The following NEBL variants were observed in gnomAD, a reference collection of about 807,000 sequenced individuals.
The protein encoded by NEBL is nebulette.
Under a neutral mutation model 140.2 loss-of-function variants are expected in NEBL, and 122 were observed. That is an observed-to-expected ratio of 0.87 (90% confidence interval 0.75 to 1.01). The LOEUF is 1.01. NEBL is among the 50% of genes least tolerant of loss of function. NEBL has a pLI of 0.00. For synonymous variants in NEBL, 436 were observed against 398.9 expected, an observed-to-expected ratio of 1.09 and a Z score of -1.11; for missense variants, 1,365 against 1,231.3, an observed-to-expected ratio of 1.11 and a Z score of -1.62.
upstream of NEBL, among the ~76,000 whole-genome samples, chr10:21,178,473 C>T (rs765698828): frequency 4.6e-5 from 7 of 152,188 alleles, no homozygotes; most frequent in Non-Finnish European, 7.3e-5. Context: ...ACCGGGAAGT[C>T]AGGAAAAGAC....
chr10:21,288,590 G>A (rs1040780650), intron 1 of NEBL, among the ~76,000 whole-genome samples: 9 of 150,256 alleles, frequency 6.0e-5, no homozygotes, highest in East Asian at 2.0e-4. Context: ...GTGAAACCCC[G>A]TCTCTACTAA....
chr10:21,093,150 C>CTTTTTTTTTTTT (rs4025884), intron 2 of NEBL, among the ~76,000 whole-genome samples: 5,964 of 94,052 alleles, frequency 0.063, 465 homozygotes, highest in Non-Finnish European at 0.074. Flanking sequence ...AGCAACAAGT[C>CTTTTTTTTTTTT]TTTTTTTTTT....
chr10:21,071,169 T>C (rs1835802166), intron 2 of NEBL, among the ~76,000 whole-genome samples: 1 of 150,826 alleles, frequency 6.6e-6, no homozygotes, highest in South Asian at 2.1e-4. Flanking sequence ...ACTCTGTCTC[T>C]AAACAATAAA....
intron 2 of NEBL, among the ~76,000 whole-genome samples, chr10:21,123,416 ATATTCT>A (rs1838667942): frequency 6.6e-6 from 1 of 152,242 alleles, no homozygotes; most frequent in South Asian, 2.1e-4. Flanking sequence ...AGAGAACTGC[ATATTCT>A]TAAAGTTCTT....
chr10:21,241,533 C>T (rs1034256327), intron 3 of NEBL, among the ~76,000 whole-genome samples: 3 of 152,156 alleles, frequency 2.0e-5, no homozygotes, highest in African/African-American at 4.8e-5. Context: ...TTTCTGCCTT[C>T]GTGCCAGAAA....
intron 2 of NEBL, among the ~76,000 whole-genome samples, chr10:21,162,147 A>G (rs1156355338): frequency 1.3e-5 from 2 of 152,208 alleles, no homozygotes; most frequent in African/African-American, 4.8e-5. Flanking sequence ...CTGGTTGATG[A>G]TTGCACCAAT....
chr10:21,288,853 AAT>A lies in NEBL; in HGVS notation n.182+3975_182+3976del, dbSNP rs1564556777. Among the ~76,000 whole-genome samples the A allele has an allele frequency of 4.9e-3, 174 of 35,366 alleles. 1 individual carries two copies. Among genetic ancestry groups the A allele is most frequent in the African/African-American group, 0.015 (164 of 10,754 alleles). 23.2% of individuals were successfully genotyped at this position (35,366 alleles called of 152,430 possible). On this transcript the variant is annotated intron_variant and non_coding_transcript_variant, in intron 1 of 8. Coordinates refer to the NEBL transcript ENST00000675702. ...ATATATATATATATATATATATAAA[AAT>A]TTTTTTTTTTTGAGACGGAGTCTTG...
chr10:21,188,281 G>A (rs918860687), intron 3 of NEBL, among the ~76,000 whole-genome samples: 12 of 152,086 alleles, frequency 7.9e-5, no homozygotes, highest in South Asian at 2.1e-4. Flanking sequence ...ATCAGAAATC[G>A]GAAGTTGTCG....
chr10:21,093,125 T>A (rs969576924), intron 2 of NEBL, among the ~76,000 whole-genome samples: 17 of 148,688 alleles, frequency 1.1e-4, no homozygotes, highest in African/African-American at 3.9e-4. Flanking sequence ...TTTTTAAGAG[T>A]ACTTTTATTC....
At chr10:21,140,497 G>A (rs1021533077) in intron 2 of NEBL, among the ~76,000 whole-genome samples, 1 of 152,122 alleles carries the variant, frequency 6.6e-6, no homozygotes, top group Admixed American at 6.6e-5. Flanking sequence ...ATGTAATTAA[G>A]TTACAAATTG....
At chr10:20,950,194 C>T (rs748387865) in intron 4 of NEBL, among the ~76,000 whole-genome samples, 3 of 152,180 alleles carry the variant, frequency 2.0e-5, no homozygotes, top group Non-Finnish European at 4.4e-5. Flanking sequence ...TGCTTTATTC[C>T]TCATTAATCC....
chr10:20,937,517 G>T (rs561318157), intron 4 of NEBL, among the ~76,000 whole-genome samples: 1 of 152,018 alleles, frequency 6.6e-6, no homozygotes, highest in African/African-American at 2.4e-5. Context: ...TGTGAGTGAC[G>T]CAGAAAACAG....
At chr10:21,282,287 G>A (rs1311256002) in intron 1 of NEBL, among the ~76,000 whole-genome samples, 3 of 152,070 alleles carry the variant, frequency 2.0e-5, no homozygotes, top group Non-Finnish European at 4.4e-5. Flanking sequence ...CAGGCCTTGG[G>A]GAATTCCTTC....
chr10:21,220,577 C>T (rs1247105656), intron 3 of NEBL, among the ~76,000 whole-genome samples: 1 of 152,156 alleles, frequency 6.6e-6, no homozygotes, highest in Non-Finnish European at 1.5e-5. Context: ...AGCTCCATGA[C>T]ATTGATCTGG....
intron 2 of NEBL, among the ~76,000 whole-genome samples, chr10:21,079,334 A>T (rs991562969): frequency 6.6e-6 from 1 of 152,238 alleles, no homozygotes; most frequent in Non-Finnish European, 1.5e-5. Flanking sequence ...TGCAGGGAGC[A>T]CAAATCTTTG....
chr10:20,876,140 T>G (rs1845475651), intron 5 of NEBL, among the ~76,000 whole-genome samples: 1 of 152,228 alleles, frequency 6.6e-6, no homozygotes, highest in Non-Finnish European at 1.5e-5. Flanking sequence ...CTTTTAAATA[T>G]AAGTAAAAGT....
chr10:21,013,043 T>C (rs1838407478), intron 3 of NEBL, among the ~76,000 whole-genome samples: 1 of 152,148 alleles, frequency 6.6e-6, no homozygotes, highest in Non-Finnish European at 1.5e-5. Flanking sequence ...CTACTGACAT[T>C]TTTGTCTCTT....
intron 26 of NEBL, among the ~76,000 whole-genome samples, chr10:20,803,265 T>C (rs1040435941): frequency 3.3e-5 from 5 of 152,166 alleles, no homozygotes; most frequent in East Asian, 1.9e-4. Context: ...TGTTTAATGT[T>C]CCCAATACAA....
At chr10:21,231,989 A>C (rs998199596) in intron 3 of NEBL, among the ~76,000 whole-genome samples, 14 of 152,154 alleles carry the variant, frequency 9.2e-5, no homozygotes, top group Non-Finnish European at 1.8e-4. Context: ...TAAAATAGGG[A>C]TCATAAAACC....
Sources: gnomAD v4.1 joint callset for allele counts (sites outside exome capture counted in the v4.1 genomes callset) on GRCh38, gnomAD v4.1.1 for gene constraint, MANE v1.5 for transcripts, NCBI Gene and HGNC (gene_info 2026-07-23, HGNC 2026-07-21) for gene names.